The following KCNH5 variants were observed in gnomAD, a reference collection of about 807,000 sequenced individuals.
The protein encoded by KCNH5 is voltage-gated delayed rectifier potassium channel KCNH5.
In KCNH5, 46 loss-of-function variants were observed where a neutral mutation model predicts 96.1. That is an observed-to-expected ratio of 0.48 (90% CI 0.38 to 0.61). KCNH5 has a LOEUF of 0.61. Ranked by LOEUF, KCNH5 falls within the 20% of genes least tolerant of loss-of-function variation. The probability of loss-of-function intolerance (pLI) is 0.00; values close to 1 mark genes in which losing one functional copy is unlikely to be tolerated. For synonymous variants in KCNH5, 439 were observed against 449.8 expected (o/e 0.98, Z 0.30); for missense variants, 907 against 1,225.8 (o/e 0.74, Z 3.88).
At chr14:62,922,491 C>T (rs1261963380) in intron 7 of KCNH5, among the ~76,000 whole-genome samples, 1 of 151,898 alleles carries the variant, frequency 6.6e-6, no homozygotes, top group African/African-American at 2.4e-5. Context: ...ACATTTTCAA[C>T]ATGTTAAGTG....
intron 8 of KCNH5, among the ~76,000 whole-genome samples, chr14:62,803,005 G>C (rs970500630): frequency 3.9e-5 from 6 of 152,104 alleles, no homozygotes; most frequent in Non-Finnish European, 7.3e-5. Context: ...ACAAAAATTA[G>C]CTGGCCGTGG....
At chr14:62,779,184 G>T (rs1886157288) in intron 10 of KCNH5, among the ~76,000 whole-genome samples, 1 of 152,178 alleles carries the variant, frequency 6.6e-6, no homozygotes, top group Non-Finnish European at 1.5e-5. Flanking sequence ...TGGCAGTGAA[G>T]GTTAAATGTG....
intron 7 of KCNH5, among the ~76,000 whole-genome samples, chr14:62,865,227 C>T (rs1474393862): frequency 6.6e-6 from 1 of 151,586 alleles, no homozygotes; most frequent in African/African-American, 2.4e-5. Flanking sequence ...TGGGTTTAGA[C>T]ACAGACTCTC....
At chr14:62,943,084 A>T (rs1409918756) in intron 7 of KCNH5, among the ~76,000 whole-genome samples, 1 of 152,216 alleles carries the variant, frequency 6.6e-6, no homozygotes, top group Non-Finnish European at 1.5e-5. Flanking sequence ...GGAGAGAGAA[A>T]AAAATTATGG....
chr14:62,959,639 A>C (rs772032808), intron 6 of KCNH5, among the ~76,000 whole-genome samples: 12 of 152,242 alleles, frequency 7.9e-5, no homozygotes, highest in Non-Finnish European at 1.5e-4. Context: ...TGATGTTTGC[A>C]TCATTATGGT....
intron 10 of KCNH5, among the ~76,000 whole-genome samples, chr14:62,772,665 GT>G (rs1237406513): frequency 6.9e-6 from 1 of 144,748 alleles, no homozygotes; most frequent in Non-Finnish European, 1.5e-5. Flanking sequence ...AAAAGTAGCA[GT>G]TTTTTTAATG....
chr14:62,740,478 ATT>A (rs1885248851), intron 10 of KCNH5, among the ~76,000 whole-genome samples: 1 of 151,910 alleles, frequency 6.6e-6, no homozygotes, highest in Admixed American at 6.6e-5. Context: ...TCTCCTGCTG[ATT>A]TTCTAACATT....
chr14:62,947,969 C>T (rs1889923771), intron 7 of KCNH5, among the ~76,000 whole-genome samples: 1 of 151,684 alleles, frequency 6.6e-6, no homozygotes, highest in African/African-American at 2.4e-5. Context: ...CAATGCTATC[C>T]CTCCCCTCTC....
intron 9 of KCNH5, among the ~76,000 whole-genome samples, chr14:62,780,264 C>T (rs1370185910): frequency 6.6e-6 from 1 of 152,196 alleles, no homozygotes; most frequent in African/African-American, 2.4e-5. Context: ...TTAGTTTCAT[C>T]CTTGCCTCTG....
chr14:63,003,750 G>A (rs1484366799), intron 3 of KCNH5, among the ~76,000 whole-genome samples: 2 of 138,380 alleles, frequency 1.4e-5, no homozygotes, highest in African/African-American at 5.7e-5. Flanking sequence ...CTCCTGAGTA[G>A]CTGGGACTAC....
intron 10 of KCNH5, among the ~76,000 whole-genome samples, chr14:62,739,367 A>C (rs1885224145): frequency 6.6e-6 from 1 of 152,212 alleles, no homozygotes; most frequent in South Asian, 2.1e-4. Context: ...CAGTAGATTT[A>C]TTTGAAGCCT....
At chr14:62,906,519 G>A (rs1003745491) in intron 7 of KCNH5, among the ~76,000 whole-genome samples, 1 of 151,946 alleles carries the variant, frequency 6.6e-6, no homozygotes, top group Non-Finnish European at 1.5e-5. Context: ...TTAAGAATGA[G>A]AATAATCTAT....
chr14:62,939,472 G>T (rs1461119815), intron 7 of KCNH5, among the ~76,000 whole-genome samples: 1 of 152,062 alleles, frequency 6.6e-6, no homozygotes, highest in African/African-American at 2.4e-5. Flanking sequence ...AGAATAACCT[G>T]CAGGAAAAAG....
intron 5 of KCNH5, among the ~76,000 whole-genome samples, chr14:62,985,111 AT>A (rs1890680808): frequency 6.6e-6 from 1 of 152,174 alleles, no homozygotes; most frequent in Non-Finnish European, 1.5e-5. Flanking sequence ...AAATCTAAGC[AT>A]TTTTGCAAAA....
At chr14:62,934,136 C>CTTTT (rs71451286) in intron 7 of KCNH5, among the ~76,000 whole-genome samples, 6 of 141,444 alleles carry the variant, frequency 4.2e-5, no homozygotes, top group East Asian at 2.2e-4. Flanking sequence ...TTCTTTCTTT[C>CTTTT]TTTTTTTTTT....
At chr14:62,795,125 C>T (rs1886513368) in intron 9 of KCNH5, among the ~76,000 whole-genome samples, 1 of 152,060 alleles carries the variant, frequency 6.6e-6, no homozygotes, top group South Asian at 2.1e-4. Context: ...CTGCCTATAA[C>T]AGATCTAAAC....
chr14:62,891,350 A>T (rs914012841), intron 7 of KCNH5, among the ~76,000 whole-genome samples: 1 of 152,226 alleles, frequency 6.6e-6, no homozygotes, highest in African/African-American at 2.4e-5. Context: ...GTAGGAGCTA[A>T]ATGATGACAA....
chr14:62,895,779 G>A (rs756658917), intron 7 of KCNH5, among the ~76,000 whole-genome samples: 10 of 152,164 alleles, frequency 6.6e-5, no homozygotes, highest in African/African-American at 1.2e-4. Context: ...AAAAAATCTA[G>A]TGGTAGAACT....
intron 10 of KCNH5, among the ~76,000 whole-genome samples, chr14:62,769,113 T>C (rs991462346): frequency 2.0e-5 from 3 of 152,212 alleles, no homozygotes; most frequent in Non-Finnish European, 2.9e-5. Context: ...GGCTGCAGGC[T>C]CAGAACAATT....
Sources: allele counts gnomAD v4.1 joint callset (sites outside exome capture counted in the v4.1 genomes callset), GRCh38; gene constraint gnomAD v4.1.1; transcripts MANE v1.5; gene names NCBI Gene and HGNC (gene_info 2026-07-23, HGNC 2026-07-21).